Variants in CAND2 observed in about 807,000 individuals in gnomAD.
The protein encoded by CAND2 is cullin-associated NEDD8-dissociated protein 2.
In CAND2, 62 loss-of-function variants were observed where a neutral mutation model predicts 98.9. The observed-to-expected ratio is 0.63, with a 90% CI of 0.51 to 0.77. The LOEUF is 0.77. Among genes scored for constraint, CAND2 ranks in the 30% least tolerant of loss-of-function variants. CAND2 has a pLI of 0.00. For synonymous variants in CAND2, 770 were observed against 731.9 expected, an observed-to-expected ratio of 1.05 and a Z score of -0.84; for missense variants, 1,501 against 1,655.2, an observed-to-expected ratio of 0.91 and a Z score of 1.62.
intron 12 of CAND2, 38 bp from the exon 13 acceptor site, chr3:12,827,401 AC>A: frequency 6.3e-7 from 1 of 1,584,148 alleles, no homozygotes; most frequent in Non-Finnish European, 8.6e-7. Context: ...GTGTCCTTAC[AC>A]CCTGGGGCCA....
chr3:12,829,838 T>C (rs1575783371), intron 13 of CAND2, among the ~76,000 whole-genome samples: 1 of 152,224 alleles, frequency 6.6e-6, no homozygotes, highest in South Asian at 2.1e-4. Context: ...TACTGTATGT[T>C]GTTTGCTTTG....
chr3:12,829,829 A>G (rs1249488606), intron 13 of CAND2, among the ~76,000 whole-genome samples: 8 of 152,304 alleles, frequency 5.3e-5, no homozygotes, highest in East Asian at 1.9e-4. Flanking sequence ...ACTTACATTT[A>G]CTGTATGTTG....
intron 13 of CAND2, among the ~76,000 whole-genome samples, chr3:12,828,345 T>TG (rs1294353984): frequency 3.7e-4 from 56 of 150,378 alleles, no homozygotes; most frequent in African/African-American, 1.3e-3. Context: ...TGTTTTTTTT[T>TG]TTTTTTTTTT....
At position 12,825,518 on chromosome 3, in the gene CAND2, C is replaced by G. The variant is rs1041146446; in HGVS notation, c.3089C>G (p.Ala1030Gly). 3.1e-6 allele frequency: 5 copies of G among 1,592,128 alleles called. No homozygotes were observed. The highest frequency in any genetic ancestry group is 4.3e-6 in the Non-Finnish European group (5 of 1,169,160). Residue 1030 changes from alanine (A) to glycine (G), a missense_variant, in exon 12 of 15, where the codon GCG becomes GGG. Ala to Gly is a moderately conservative substitution (Grantham distance 60). This residue lies in a region of CAND2 where 1,427 missense variants were observed against 1,545.3 expected (regional missense o/e 0.92). Transcript: ENST00000456430. ...LQDPDLNVRR[A>G]TLAFFNSAVH... ...GACCCAGACCTGAACGTGCGCCGTG[C>G]GACTCTGGCTTTCTTCAACTCAGCT... is the stretch of plus-strand genomic sequence containing the variant.
At chr3:12,811,907 T>C (rs1384996340) in intron 5 of CAND2, among the ~76,000 whole-genome samples, 2 of 150,854 alleles carry the variant, frequency 1.3e-5, no homozygotes, top group East Asian at 1.9e-4. Context: ...TTAACTTCTT[T>C]TTTTTTTTTC....
chr3:12,815,512 AC>A lies in CAND2; in HGVS notation c.1299+80del. The stretch of plus-strand genomic sequence containing the variant: ...ACTGTTAGTGTCCCTGGACTTGGAA[AC>A]TCAGCTGGGAGAACATCCAGCCATG... On this transcript the variant is annotated intron_variant, in intron 8 of 14. Coordinates refer to ENST00000456430, the MANE Select transcript of CAND2 (RefSeq NM_001162499.2). This position sits in a 1 kb window ranked among gnomAD's most constrained non-coding sequence, Gnocchi z 5.7. 7.6e-7 allele frequency: 1 copy of A among 1,316,934 alleles called. No individual in the cohort carries two copies. 81.6% of individuals were successfully genotyped at this position (1,316,934 alleles called of 1,614,324 possible).
At position 12,816,415 on chromosome 3, in the gene CAND2, A is replaced by G. The variant is rs1275949525; in HGVS notation, c.1483A>G (p.Ile495Val). The G allele has an allele frequency of 6.2e-7, 1 of 1,613,576 alleles. No homozygotes were observed. The highest frequency in any genetic ancestry group is 1.3e-5 in the African/African-American group (1 of 74,890). The change falls in exon 10 of 15, where the codon ATC becomes GTC. Residue 495 changes from isoleucine to valine, a missense_variant. Coordinates refer to ENST00000456430, the MANE Select transcript of CAND2 (RefSeq NM_001162499.2). ...GGCCGACCGCTCCAGCTCCTCCACC[A>G]TCCGGATGGATGCCCTGGCCTTCTT... is the stretch of plus-strand genomic sequence containing the variant. The part of the protein sequence containing the change: ...SLADRSSSST[I>V]RMDALAFLQG...
intron 14 of CAND2, among the ~76,000 whole-genome samples, chr3:12,833,204 T>C (rs1371748118): frequency 6.6e-6 from 1 of 152,194 alleles, no homozygotes; most frequent in Non-Finnish European, 1.5e-5. Flanking sequence ...ACTGAGCTCC[T>C]CTGCCTAGGT....
chr3:12,800,937 G>A (rs566010087), intron 1 of CAND2, among the ~76,000 whole-genome samples: 15 of 152,008 alleles, frequency 9.9e-5, no homozygotes, highest in African/African-American at 3.4e-4. Context: ...TGGCCAGGCT[G>A]GTCTCTAATT....
chr3:12,814,715 T>C (rs1352098119), intron 7 of CAND2, among the ~76,000 whole-genome samples: 1 of 152,108 alleles, frequency 6.6e-6, no homozygotes, highest in Non-Finnish European at 1.5e-5. Context: ...CCCAAATTGA[T>C]TCTCCAAGTC....
intron 9 of CAND2, 24 bp from the exon 10 acceptor site, chr3:12,816,350 A>G: frequency 6.3e-7 from 1 of 1,589,682 alleles, no homozygotes; most frequent in East Asian, 2.2e-5. Flanking sequence ...CGGTGGCCTC[A>G]TAACCTTTGC....
chr3:12,817,719 C>T lies in CAND2; in HGVS notation c.2787C>T (p.Ser929=), dbSNP rs888219387. 6.3e-7 allele frequency: 1 copy of T among 1,593,012 alleles called. No homozygotes were observed. Among genetic ancestry groups the T allele is most frequent in the South Asian group, 1.1e-5 (1 of 87,536 alleles). The part of the protein sequence containing the change: ...REALGAAQPD[S]LKPYAEDIWA... Reference sequence around the variant, plus strand: ...CCCTGGGGGCCGCCCAGCCTGACAGCCTGAAGCCCTACGCCGAGGACATCT... The same window carrying T: ...CCCTGGGGGCCGCCCAGCCTGACAGTCTGAAGCCCTACGCCGAGGACATCT... Residue 929 remains serine, a synonymous_variant, in exon 10 of 15, where the codon AGC becomes AGT. Coordinates refer to ENST00000456430, the MANE Select transcript of CAND2 (RefSeq NM_001162499.2).
chr3:12,826,510 C>T (rs191120103), intron 12 of CAND2, among the ~76,000 whole-genome samples: 1 of 152,186 alleles, frequency 6.6e-6, no homozygotes, highest in Admixed American at 6.5e-5. Context: ...TCACTGCAGC[C>T]TCGACCTCCT....
At chr3:12,802,308 C>T (rs573091204) in intron 1 of CAND2, among the ~76,000 whole-genome samples, 1 of 152,040 alleles carries the variant, frequency 6.6e-6, no homozygotes, top group African/African-American at 2.4e-5. Flanking sequence ...GCCTGGGCAA[C>T]AGAGCAAGAC....
rs771435550 is a variant in CAND2 at position 12,834,093 on chromosome 3, C to A, written c.*111C>A. The A allele has an allele frequency of 4.7e-6, 4 of 847,514 alleles. No individual in the cohort carries two copies. The highest frequency in any genetic ancestry group is 2.3e-5 in the Admixed American group (1 of 44,184). The allele number at this position is 847,514 out of a possible 1,614,324, so 52.5% of individuals were successfully genotyped here. On this transcript the variant is annotated 3_prime_UTR_variant, in exon 15 of 15. Coordinates refer to ENST00000456430, the MANE Select transcript of CAND2 (RefSeq NM_001162499.2). ...CTACTTTTGCCCTTCCACCATCTCA[C>A]TGGGGGCCCTGTCGCTCCTGGTCAG...
intron 4 of CAND2, among the ~76,000 whole-genome samples, chr3:12,809,278 G>A (rs2061830996): frequency 6.6e-6 from 1 of 152,056 alleles, no homozygotes; most frequent in East Asian, 1.9e-4. Flanking sequence ...TGAACTTGAG[G>A]CTCCTGGGAG....
At chr3:12,821,286 G>A (rs554215586) in intron 11 of CAND2, among the ~76,000 whole-genome samples, 2 of 151,990 alleles carry the variant, frequency 1.3e-5, no homozygotes, top group South Asian at 4.2e-4. Context: ...TGTAATCTCA[G>A]CTGTTTGAGA....
Position 12,796,781 on chromosome 3 carries a change from G to C in CAND2, c.61G>C (p.Asp21His), listed in dbSNP as rs553186969. 2 of 1,586,104 alleles carry C rather than the reference G, an allele frequency of 1.3e-6. No homozygotes were observed. Among genetic ancestry groups the C allele is most frequent in the South Asian group, 2.3e-5 (2 of 87,286 alleles). The change falls in exon 1 of 15, where the codon GAC becomes CAC. Residue 21 changes from aspartate (D) to histidine (H), a missense_variant. By Grantham distance (81) the Asp-to-His change is moderately conservative. Transcript: ENST00000456430. ...LLEKMTSSDK[D>H]FRFMATSDLM... is the part of the protein sequence containing the mutation. ...GGAGAAGATGACGTCCAGCGACAAG[G>C]ACTTCAGGTGCAGCCCGCCGCCGGC...
chr3:12,805,129 C>T (rs1351350712), intron 2 of CAND2, among the ~76,000 whole-genome samples: 1 of 152,242 alleles, frequency 6.6e-6, no homozygotes, highest in South Asian at 2.1e-4. Flanking sequence ...TCCATGTATG[C>T]GTGCTTGGGC....
Sources: allele counts gnomAD v4.1 joint callset (sites outside exome capture counted in the v4.1 genomes callset), GRCh38; gene constraint gnomAD v4.1.1; regional missense constraint gnomAD v4.1.1; non-coding constraint Gnocchi (gnomAD v3.1); transcripts MANE v1.5; gene names NCBI Gene and HGNC (gene_info 2026-07-23, HGNC 2026-07-21).